Variants in SPATA21 observed in about 807,000 individuals in gnomAD.
SPATA21 encodes spermatogenesis-associated protein 21.
In SPATA21, 47 loss-of-function variants were observed where a neutral mutation model predicts 54.8. The ratio of observed to expected loss-of-function variants is 0.86; its 90% CI spans 0.68 to 1.09. The LOEUF is 1.09. Ranked by LOEUF, SPATA21 falls within the 50% of genes least tolerant of loss-of-function variation. SPATA21 has a pLI of 0.00. For missense variants in SPATA21, 599 were observed against 596.4 expected (o/e 1.00, Z -0.05); for synonymous variants, 245 against 235.3 (o/e 1.04, Z -0.38).
chr1:16,412,945 G>A (rs995191482), intron 5 of SPATA21, among the ~76,000 whole-genome samples: 25 of 152,078 alleles, frequency 1.6e-4, no homozygotes, highest in African/African-American at 4.8e-4. Flanking sequence ...TACCATACCC[G>A]GCTAGTTTTT....
At chr1:16,404,804 G>A (rs960124809) in intron 8 of SPATA21, among the ~76,000 whole-genome samples, 163 bp downstream of exon 8, 3 of 152,194 alleles carry the variant, frequency 2.0e-5, no homozygotes, top group East Asian at 1.9e-4. Context: ...ACCAGACCTC[G>A]TCTCAAACAA....
intron 5 of SPATA21, among the ~76,000 whole-genome samples, chr1:16,418,835 T>A (rs2086090601): frequency 6.6e-6 from 1 of 152,192 alleles, no homozygotes; most frequent in Non-Finnish European, 1.5e-5. Flanking sequence ...AGCCACTGCA[T>A]CCGGCCTAGT....
intron 3 of SPATA21, among the ~76,000 whole-genome samples, chr1:16,424,221 G>GTC (rs1486141346): frequency 1.8e-5 from 2 of 110,562 alleles, no homozygotes; most frequent in East Asian, 2.6e-4. Context: ...GCTGAGGCAG[G>GTC]AGAATGGCAT....
chr1:16,431,404 G>A lies in SPATA21; in HGVS notation c.-33C>T, dbSNP rs2086454544. Reference sequence around the variant, plus strand: ...GCGCCAACACGGGTGCCAAGTGAGGGGCATCACCTAGTGTGCTCCTACAGG... The same window carrying A: ...GCGCCAACACGGGTGCCAAGTGAGGAGCATCACCTAGTGTGCTCCTACAGG... On this transcript the variant is annotated 5_prime_UTR_variant, in exon 3 of 13. Coordinates refer to ENST00000335496, the MANE Select transcript of SPATA21 (RefSeq NM_198546.1). 1.2e-6 allele frequency: 2 copies of A among 1,613,360 alleles called. No individual in the cohort carries two copies. Among genetic ancestry groups the A allele is most frequent in the African/African-American group, 2.7e-5 (2 of 74,894 alleles).
intron 7 of SPATA21, chr1:16,408,602 G>T: frequency 1.1e-6 from 1 of 894,724 alleles, no homozygotes; most frequent in Admixed American, 6.1e-5. Flanking sequence ...GCTGGGCGCG[G>T]TGGCTCACGC....
At chr1:16,429,769 C>T (rs554507508) in intron 3 of SPATA21, among the ~76,000 whole-genome samples, 9 of 151,680 alleles carry the variant, frequency 5.9e-5, no homozygotes, top group East Asian at 2.0e-4. Context: ...CCACCGCGCC[C>T]GGCTGGCTGA....
chr1:16,426,573 ATATATATTTT>A (rs1157692173), intron 3 of SPATA21, among the ~76,000 whole-genome samples: 2 of 115,572 alleles, frequency 1.7e-5, no homozygotes, highest in Non-Finnish European at 1.8e-5. Flanking sequence ...ATATATATAT[ATATATATTTT>A]TTTTTTTTTT....
chr1:16,410,086 G>A, intron 5 of SPATA21, 43 bp from the exon 6 acceptor site: 1 of 1,456,898 alleles, frequency 6.9e-7, no homozygotes, highest in Admixed American at 2.3e-5. Flanking sequence ...TAGTGGGCCA[G>A]AGTGTCCCAC....
At chr1:16,426,581 T>TATATATA (rs1341237564) in intron 3 of SPATA21, among the ~76,000 whole-genome samples, 1,735 of 67,220 alleles carry the variant, frequency 0.026, 8 homozygotes, top group Non-Finnish European at 0.04. Context: ...ATATATATAT[T>TATATATA]TTTTTTTTTT....
At chr1:16,433,175 C>T (rs961286946) in intron 1 of SPATA21, among the ~76,000 whole-genome samples, 21 of 152,268 alleles carry the variant, frequency 1.4e-4, no homozygotes, top group Non-Finnish European at 2.2e-4. Flanking sequence ...GGTGTCCTGA[C>T]GGTTCCCACA....
chr1:16,404,605 C>G (rs2085568503), intron 8 of SPATA21, among the ~76,000 whole-genome samples: 1 of 152,154 alleles, frequency 6.6e-6, no homozygotes, highest in Non-Finnish European at 1.5e-5. Context: ...TTCCTTGAGT[C>G]CAGGAGTTTG....
At chr1:16,417,686 C>T (rs1259212458) in intron 5 of SPATA21, among the ~76,000 whole-genome samples, 2 of 152,188 alleles carry the variant, frequency 1.3e-5, no homozygotes, top group Non-Finnish European at 1.5e-5. Context: ...CCGCCCACCT[C>T]GGCCTCCCAA....
Position 16,403,964 on chromosome 1 carries a change from T to G in SPATA21, c.883+4A>C. ...CTGACTACGCTGGGCTCATCCCTGC[T>G]CACCCACAGAGCAGAAGAAGCGCCT... On this transcript the variant is annotated splice_donor_region_variant and intron_variant, in intron 9 of 12. Transcript: ENST00000335496. The G allele has an allele frequency of 1.9e-6, 3 of 1,595,492 alleles. No homozygotes were observed. Among genetic ancestry groups the G allele is most frequent in the Non-Finnish European group, 2.6e-6 (3 of 1,170,956 alleles).
At chr1:16,430,114 CAAA>C (rs1226598581) in intron 3 of SPATA21, among the ~76,000 whole-genome samples, 9 of 53,172 alleles carry the variant, frequency 1.7e-4, no homozygotes, top group African/African-American at 6.6e-4. Flanking sequence ...GACTCTATCT[CAAA>C]AAAAAAAAAA....
chr1:16,424,238 G>C (rs1253173552), intron 3 of SPATA21, among the ~76,000 whole-genome samples: 7 of 117,874 alleles, frequency 5.9e-5, no homozygotes, highest in African/African-American at 1.0e-4. Flanking sequence ...GCATGAACCT[G>C]GGAGGCAGAG....
intron 3 of SPATA21, among the ~76,000 whole-genome samples, chr1:16,430,239 G>A (rs1480574034): frequency 6.6e-6 from 1 of 151,888 alleles, no homozygotes; most frequent in African/African-American, 2.4e-5. Context: ...ACCAGCCTGG[G>A]CAACATGATA....
chr1:16,403,836 C>T lies in SPATA21; in HGVS notation c.892G>A (p.Ala298Thr), dbSNP rs1200932923. ...TTGTGGGGAGCCATGTCCGACAGGG[C>T]GTTCTGTTCTGGAGACATGGGATAG... ...RRFFCSVEQN[A>T]LSDMAPHNPH... The change falls in exon 10 of 13, where the codon GCC (alanine) becomes ACC (threonine). Residue 298 changes from alanine to threonine, a missense_variant. Coordinates refer to ENST00000335496, the MANE Select transcript of SPATA21 (RefSeq NM_198546.1). 5 of 1,609,368 alleles carry T rather than the reference C, an allele frequency of 3.1e-6. No individual in the cohort carries two copies. Among genetic ancestry groups the T allele is most frequent in the Admixed American group, 3.4e-5 (2 of 59,586 alleles).
At position 16,409,551 on chromosome 1, in the gene SPATA21, T is replaced by G; in HGVS notation, c.587+50A>C. On this transcript the variant is annotated intron_variant, in intron 6 of 12. Transcript: ENST00000335496. This position sits in a 1 kb window ranked among gnomAD's most constrained non-coding sequence, Gnocchi z 4.1. ...GGGACCTGCATCCGGGACAAGGCTC[T>G]GATCTTGGGGCCTTTCAGGAGCGGG... 3 of 1,563,456 alleles carry G rather than the reference T, an allele frequency of 1.9e-6. No individual in the cohort carries two copies. Among genetic ancestry groups the G allele is most frequent in the Non-Finnish European group, 2.6e-6 (3 of 1,155,234 alleles).
chr1:16,436,856 A>G (rs1010380365), intron 1 of SPATA21, among the ~76,000 whole-genome samples: 4 of 151,992 alleles, frequency 2.6e-5, no homozygotes, highest in Non-Finnish European at 4.4e-5. Context: ...CCAATAACCT[A>G]TGGAAAAACA....
Sources: gnomAD v4.1 joint callset for allele counts (sites outside exome capture counted in the v4.1 genomes callset) on GRCh38, gnomAD v4.1.1 for gene constraint, Gnocchi (gnomAD v3.1) non-coding constraint, MANE v1.5 for transcripts, NCBI Gene and HGNC (gene_info 2026-07-23, HGNC 2026-07-21) for gene names.